The following AFDN variants were observed in gnomAD, a reference collection of about 807,000 sequenced individuals.
The protein encoded by AFDN is afadin.
A neutral mutation model predicts 216.6 loss-of-function variants in AFDN; 68 were observed. That is an observed-to-expected ratio of 0.31 (90% CI 0.26 to 0.38). AFDN has a LOEUF of 0.38. Ranked by LOEUF, AFDN falls within the 10% of genes least tolerant of loss-of-function variation. AFDN has a pLI of 1.00. For synonymous variants in AFDN, 868 were observed against 853.7 expected, an observed-to-expected ratio of 1.02 and a Z score of -0.29; for missense variants, 2,136 against 2,342.0, an observed-to-expected ratio of 0.91 and a Z score of 1.82.
Position 167,880,482 on chromosome 6 carries a change from G to A in AFDN, c.862G>A (p.Glu288Lys). 6.2e-7 allele frequency: 1 copy of A among 1,613,752 alleles called. No individual in the cohort carries two copies. Among genetic ancestry groups the A allele is most frequent in the Non-Finnish European group, 8.5e-7 (1 of 1,179,782 alleles). Residue 288 changes from glutamate to lysine, a missense_variant, in exon 6 of 34, where the codon GAA (glutamate) becomes AAA (lysine). By Grantham distance (56) the Glu-to-Lys change is moderately conservative. Around this residue, in one of 8 missense-constraint regions of AFDN, gnomAD observed 817 missense variants for 965.7 expected, o/e 0.85. Coordinates refer to ENST00000683244, the MANE Select transcript of AFDN (RefSeq NM_001386888.1). ...VAEALEKYGL[E>K]KENPKDYCIA... ...TGAAGCTTTAGAGAAGTATGGTCTG[G>A]AAAAAGAAAACCCTAAGGATTACTG...
At chr6:167,904,467 C>T (rs941760909) in intron 12 of AFDN, among the ~76,000 whole-genome samples, 6 of 152,124 alleles carry the variant, frequency 3.9e-5, no homozygotes, top group Admixed American at 6.5e-5. Flanking sequence ...GCCTCGGCTT[C>T]CCAAAATGCT....
chr6:167,856,075 TTGTC>T (rs1782862722), intron 1 of AFDN, among the ~76,000 whole-genome samples: 3 of 152,170 alleles, frequency 2.0e-5, no homozygotes, highest in Admixed American at 2.0e-4. Flanking sequence ...AATCATCCCT[TTGTC>T]TGTCATCTCC....
chr6:167,837,126 A>C (rs1233881926), intron 1 of AFDN, among the ~76,000 whole-genome samples: 1 of 152,208 alleles, frequency 6.6e-6, no homozygotes, highest in African/African-American at 2.4e-5. Flanking sequence ...GGACAGTGAA[A>C]TTAAGACTAG....
At chr6:167,866,220 A>C (rs1243580514) in intron 2 of AFDN, among the ~76,000 whole-genome samples, 1 of 152,150 alleles carries the variant, frequency 6.6e-6, no homozygotes, top group African/African-American at 2.4e-5. Flanking sequence ...AATTGGATGA[A>C]TTTGATTTTT....
chr6:167,964,521 G>A, intron 31 of AFDN: 1 of 1,065,584 alleles, frequency 9.4e-7, no homozygotes, highest in African/African-American at 1.6e-5. Flanking sequence ...AAGATTCAAT[G>A]AAAAATTGGG....
intron 15 of AFDN, chr6:167,912,058 C>G (rs896975775): frequency 1.3e-5 from 2 of 157,546 alleles, no homozygotes; most frequent in Non-Finnish European, 2.8e-5. Context: ...TTTGATAGCA[C>G]ATGTGTAGGT....
intron 1 of AFDN, among the ~76,000 whole-genome samples, chr6:167,851,563 G>A (rs139260120): frequency 1.4e-4 from 22 of 152,288 alleles, no homozygotes; most frequent in African/African-American, 5.1e-4. Context: ...TGCCTCATAT[G>A]TGGCAGGTTC....
At chr6:167,913,171 A>G (rs922441225) in intron 15 of AFDN, among the ~76,000 whole-genome samples, 2 of 152,332 alleles carry the variant, frequency 1.3e-5, no homozygotes, top group Non-Finnish European at 2.9e-5. Context: ...CTAAAAATAC[A>G]GTTAGTTATT....
Position 167,914,377 on chromosome 6 carries a change from A to G in AFDN, c.2204+64A>G. On this transcript the variant is annotated intron_variant, in intron 17 of 33. Transcript: ENST00000683244. ...AATTAAGTCATTTGTTTTCTTATTC[A>G]GTTTTCCAAACTAATTTTAAGATTT... The G allele has an allele frequency of 4.5e-6, 7 of 1,562,572 alleles. No individual in the cohort carries two copies. The South Asian group carries it at 5.8e-5, about 13-fold the overall frequency.
chr6:167,964,147 T>G, intron 31 of AFDN: 1 of 1,063,514 alleles, frequency 9.4e-7, no homozygotes, highest in Non-Finnish European at 1.1e-6. Flanking sequence ...AATACACTTG[T>G]GTTAGTAACT....
chr6:167,852,073 A>AC (rs1782377566), intron 1 of AFDN, among the ~76,000 whole-genome samples: 1 of 151,942 alleles, frequency 6.6e-6, no homozygotes, highest in Non-Finnish European at 1.5e-5. Flanking sequence ...AGATCCTAAA[A>AC]CCCGTCATGT....
intron 13 of AFDN, among the ~76,000 whole-genome samples, chr6:167,910,298 C>T (rs2128450206): frequency 6.6e-6 from 1 of 152,312 alleles, no homozygotes; most frequent in South Asian, 2.1e-4. Flanking sequence ...GCCTTCTGCC[C>T]TGCCAATGGG....
chr6:167,897,775 T>C (rs934673012), intron 10 of AFDN, among the ~76,000 whole-genome samples: 1 of 150,496 alleles, frequency 6.6e-6, no homozygotes, highest in Non-Finnish European at 1.5e-5. Flanking sequence ...GCCTCCTGAG[T>C]AGCTGGGGTT....
chr6:167,833,992 C>G (rs1476586830), intron 1 of AFDN, among the ~76,000 whole-genome samples: 1 of 152,106 alleles, frequency 6.6e-6, no homozygotes, highest in South Asian at 2.1e-4. Flanking sequence ...TTGCAAAGAA[C>G]ATTTGTTTTT....
At chr6:167,953,326 T>G (rs904648764) in intron 30 of AFDN, among the ~76,000 whole-genome samples, 44 of 152,306 alleles carry the variant, frequency 2.9e-4, no homozygotes, top group Admixed American at 2.4e-3. Context: ...TTGTGAGTCC[T>G]TAGATCCTTG....
chr6:167,834,893 G>A (rs1361928263), intron 1 of AFDN, among the ~76,000 whole-genome samples: 2 of 152,000 alleles, frequency 1.3e-5, no homozygotes, highest in African/African-American at 4.8e-5. Flanking sequence ...GAGGCAGGAC[G>A]ATTGCTTGAG....
intron 2 of AFDN, among the ~76,000 whole-genome samples, chr6:167,865,300 C>A (rs1424656263): frequency 6.6e-6 from 1 of 152,006 alleles, no homozygotes; most frequent in Non-Finnish European, 1.5e-5. Context: ...TCTTATATAG[C>A]AATATCAAAT....
At chr6:167,826,785 A>C (rs566259612), upstream of AFDN, 182 of 314,228 alleles carry the variant, frequency 5.8e-4, no homozygotes, top group African/African-American at 3.7e-3. Context: ...CGGCAGCAGC[A>C]CCTAGTGGAG....
Position 167,970,543 on chromosome 6 carries a change from G to C in AFDN, c.*608G>C, listed in dbSNP as rs968352899. 4.6e-6 allele frequency: 1 copy of C among 215,476 alleles called. No individual in the cohort carries two copies. Among genetic ancestry groups the C allele is most frequent in the Non-Finnish European group, 9.4e-6 (1 of 106,950 alleles). The allele number at this position is 215,476 out of a possible 1,614,324, so 13.3% of individuals were successfully genotyped here. A position where few individuals can be genotyped will look rare whatever the true frequency, so the allele number is the denominator to read the frequency against. The stretch of plus-strand genomic sequence containing the variant: ...CAAAGCTTCCTGTGTGATGACGCAC[G>C]TCCGAGACTGTTCCATCTCATTCCT... On this transcript the variant is annotated 3_prime_UTR_variant, in exon 34 of 34. Coordinates refer to ENST00000683244, the MANE Select transcript of AFDN (RefSeq NM_001386888.1).
Sources: allele counts gnomAD v4.1 joint callset (sites outside exome capture counted in the v4.1 genomes callset), GRCh38; gene constraint gnomAD v4.1.1; regional missense constraint gnomAD v4.1.1; transcripts MANE v1.5; gene names NCBI Gene and HGNC (gene_info 2026-07-23, HGNC 2026-07-21).